The following WIPF1 variants were observed in gnomAD, a reference collection of about 807,000 sequenced individuals.
WIPF1 encodes WAS/WASL interacting protein family member 1, also known as WAS/WASL-interacting protein family member 1.
WIPF1 carries 13 observed loss-of-function variants against 35.4 expected under a neutral mutation model. The observed-to-expected ratio is 0.37, with a 90% CI of 0.24 to 0.58. The LOEUF (loss-of-function observed/expected upper bound fraction) is 0.58. Ranked by LOEUF, WIPF1 falls within the 20% of genes least tolerant of loss-of-function variation. WIPF1 has a pLI of 0.74. For synonymous variants in WIPF1, 267 were observed against 266.3 expected (o/e 1.00, Z -0.02); for missense variants, 591 against 667.0 (o/e 0.89, Z 1.25).
At chr2:174,619,151 G>C (rs2105912220) in intron 1 of WIPF1, among the ~76,000 whole-genome samples, 1 of 152,076 alleles carries the variant, frequency 6.6e-6, no homozygotes, top group East Asian at 1.9e-4. Flanking sequence ...GTCACACTAT[G>C]TTGCCCAGGC....
chr2:174,661,116 T>C (rs980793538), intron 1 of WIPF1, among the ~76,000 whole-genome samples: 1 of 152,190 alleles, frequency 6.6e-6, no homozygotes, highest in Non-Finnish European at 1.5e-5. Flanking sequence ...CAGTTGGTGC[T>C]GGGGCTGCAG....
chr2:174,608,394 AC>A (rs1398698037), intron 1 of WIPF1, among the ~76,000 whole-genome samples: 1 of 152,352 alleles, frequency 6.6e-6, no homozygotes, highest in East Asian at 1.9e-4. Context: ...CTCAGCAAAA[AC>A]CAAGAAACAA....
chr2:174,621,975 C>T (rs910637820), intron 1 of WIPF1, among the ~76,000 whole-genome samples: 4 of 152,054 alleles, frequency 2.6e-5, no homozygotes, highest in South Asian at 2.1e-4. Context: ...TGAGGAAGCC[C>T]GCTGGGCCCT....
At chr2:174,594,241 T>C (rs1268013687) in intron 1 of WIPF1, among the ~76,000 whole-genome samples, 1 of 152,246 alleles carries the variant, frequency 6.6e-6, no homozygotes, top group Non-Finnish European at 1.5e-5. Flanking sequence ...GTGATTTATT[T>C]TGGCGGGGAG....
Position 174,567,146 on chromosome 2 carries a change from G to A in WIPF1, c.1380C>T (p.Ser460=), listed in dbSNP as rs753915750. 89 of 1,614,108 alleles carry A rather than the reference G, an allele frequency of 5.5e-5. No homozygotes were observed. The African/African-American group carries it at 8.4e-4, about 15-fold the overall frequency. ...CATATGGCTCTGGAGGTGGCAAATC[G>A]GAAATCGGATGGAAGTAGAATCTGC... ...WESRFYFHPI[S]DLPPPEPYVQ... The change falls in exon 7 of 8, where the codon TCC becomes TCT. Residue 460 remains serine (S), a synonymous_variant. Coordinates refer to ENST00000679041, the MANE Select transcript of WIPF1 (RefSeq NM_001375834.1).
chr2:174,671,405 A>C (rs1688015142), intron 1 of WIPF1, among the ~76,000 whole-genome samples: 1 of 152,186 alleles, frequency 6.6e-6, no homozygotes, highest in Admixed American at 6.5e-5. Context: ...TGATTGCATT[A>C]ACTGCACCAA....
At chr2:174,604,113 C>T (rs1315381851) in intron 1 of WIPF1, among the ~76,000 whole-genome samples, 1 of 152,172 alleles carries the variant, frequency 6.6e-6, no homozygotes, top group Non-Finnish European at 1.5e-5. Context: ...AAGCAGACAT[C>T]TGTATTCATA....
intron 3 of WIPF1, among the ~76,000 whole-genome samples, chr2:174,576,428 C>G (rs977827734): frequency 1.3e-5 from 2 of 152,016 alleles, no homozygotes; most frequent in Non-Finnish European, 2.9e-5. Flanking sequence ...TTAAAGGATT[C>G]TATTGTATTG....
chr2:174,606,363 G>T (rs1379326282), intron 1 of WIPF1, among the ~76,000 whole-genome samples: 2 of 152,126 alleles, frequency 1.3e-5, no homozygotes, highest in South Asian at 4.1e-4. Context: ...CTAAACATTT[G>T]AAAAGAACTA....
chr2:174,620,136 C>T (rs1454841445), intron 1 of WIPF1, among the ~76,000 whole-genome samples: 1 of 152,228 alleles, frequency 6.6e-6, no homozygotes, highest in Non-Finnish European at 1.5e-5. Flanking sequence ...CTATAACCTA[C>T]AGTCTCCAAT....
Position 174,570,121 on chromosome 2 carries a change from C to A in WIPF1, c.1129+1555G>T, listed in dbSNP as rs142594642. ...GCAACAGGAAAAATCTAGAGATGGC[C>A]CATATGACCAAGTGAGGGGATTGGT... On this transcript the variant is annotated intron_variant, in intron 5 of 7. Transcript: ENST00000679041. Among the ~76,000 whole-genome samples, 873 of 152,170 alleles carry A rather than the reference C, an allele frequency of 5.7e-3. 12 individuals carry two copies. The highest frequency in any genetic ancestry group is 0.02 in the African/African-American group (834 of 41,516).
intron 1 of WIPF1, among the ~76,000 whole-genome samples, chr2:174,659,619 G>C (rs13014880): frequency 0.23 from 34,998 of 151,958 alleles, 4,279 homozygotes; most frequent in Middle Eastern, 0.3. Flanking sequence ...AAGGGACTCC[G>C]GATTATCAAC....
intron 1 of WIPF1, among the ~76,000 whole-genome samples, chr2:174,660,171 A>G (rs988488875): frequency 6.6e-6 from 1 of 152,198 alleles, no homozygotes; most frequent in Non-Finnish European, 1.5e-5. Context: ...TTCTGTGGCT[A>G]TCAGGATTAG....
intron 1 of WIPF1, among the ~76,000 whole-genome samples, chr2:174,586,152 G>A (rs1685414461): frequency 6.6e-6 from 1 of 152,174 alleles, no homozygotes; most frequent in Non-Finnish European, 1.5e-5. Flanking sequence ...AGGGCATGGA[G>A]AATGTCAGGT....
chr2:174,614,781 G>A (rs1686456813), intron 1 of WIPF1, among the ~76,000 whole-genome samples: 1 of 152,196 alleles, frequency 6.6e-6, no homozygotes, highest in African/African-American at 2.4e-5. Context: ...TTAACCTGCT[G>A]CAAAACACCT....
intron 1 of WIPF1, among the ~76,000 whole-genome samples, chr2:174,646,482 T>C (rs1687411033): frequency 6.6e-6 from 1 of 152,240 alleles, no homozygotes; most frequent in Non-Finnish European, 1.5e-5. Context: ...AATGTGAGTA[T>C]TAAATGTGAT....
In WIPF1 at chr2:174,572,275, C is replaced by T. The variant is rs1490920069; in HGVS notation, c.530G>A (p.Gly177Asp). The T allele has an allele frequency of 1.2e-6, 2 of 1,614,102 alleles. No homozygotes were observed. Among genetic ancestry groups the T allele is most frequent in the South Asian group, 2.2e-5 (2 of 91,080 alleles). Residue 177 changes from glycine (G) to aspartate (D), a missense_variant, in exon 5 of 8, where the codon GGC becomes GAC. By Grantham distance (94) the Gly-to-Asp change is moderately conservative. Coordinates refer to ENST00000679041, the MANE Select transcript of WIPF1 (RefSeq NM_001375834.1). Reference protein sequence around the residue: ...NRMPPPRPDVGSKPDSIPPPV... With the variant: ...NRMPPPRPDVDSKPDSIPPPV... The stretch of plus-strand genomic sequence containing the variant: ...AGGAGGAATGCTATCAGGCTTTGAG[C>T]CCACGTCGGGCCTTGGGGGCGGCAT...
At chr2:174,652,918 G>GTTGGTCTGTTTTCCACTCCTCTATGAGA (rs1216728577) in intron 1 of WIPF1, among the ~76,000 whole-genome samples, 1 of 151,840 alleles carries the variant, frequency 6.6e-6, no homozygotes, top group Non-Finnish European at 1.5e-5. Context: ...CCCTAGTTCT[G>GTTGGTCTGTTTTCCACTCCTCTATGAGA]TTGGTCTGTT....
At position 174,612,319 on chromosome 2, in the gene WIPF1, G is replaced by A. The variant is rs184866238; in HGVS notation, c.-38-26708C>T. On this transcript the variant is annotated intron_variant, in intron 1 of 8. Coordinates refer to the WIPF1 transcript ENST00000272746. The stretch of plus-strand genomic sequence containing the variant: ...ATGGGATCATACTTTGGATGTGTAC[G>A]TGCGTCTGTATATATCCTTCTTTTT... Among the ~76,000 whole-genome samples the A allele has an allele frequency of 3.7e-3, 566 of 152,108 alleles. 3 individuals carry two copies. The highest frequency in any genetic ancestry group is 6.4e-3 in the Non-Finnish European group (436 of 67,996).
Sources: gnomAD v4.1 joint callset for allele counts (sites outside exome capture counted in the v4.1 genomes callset) on GRCh38, gnomAD v4.1.1 for gene constraint, MANE v1.5 for transcripts, NCBI Gene and HGNC (gene_info 2026-07-23, HGNC 2026-07-21) for gene names.